MTCL1: variants seen among roughly 807,000 people sequenced by gnomAD.
The protein encoded by MTCL1 is microtubule crosslinking factor 1, also known as microtubule cross-linking factor 1.
A neutral mutation model predicts 141.4 loss-of-function variants in MTCL1; 79 were observed. The observed-to-expected ratio is 0.56, with a 90% CI of 0.47 to 0.67. The LOEUF (loss-of-function observed/expected upper bound fraction) is 0.67, where lower values mean the gene tolerates loss of function less well. Among genes scored for constraint, MTCL1 ranks in the 30% least tolerant of loss-of-function variants. MTCL1 has a pLI of 0.00. For synonymous variants in MTCL1, 914 were observed against 875.8 expected (o/e 1.04, Z -0.77); for missense variants, 2,177 against 2,113.9 (o/e 1.03, Z -0.59).
exon 6 of MTCL1, chr18:8,784,041 A>C (rs1239645618): frequency 6.2e-7 from 1 of 1,613,392 alleles, no homozygotes; most frequent in Non-Finnish European, 8.5e-7. Context: ...AGCAAGTTTA[A>C]GTTTGAGCCT....
intron 7 of MTCL1, among the ~76,000 whole-genome samples, chr18:8,790,820 GC>G (rs1343112224): frequency 2.0e-5 from 3 of 152,122 alleles, no homozygotes; most frequent in African/African-American, 4.8e-5. Flanking sequence ...TTCGAGACCA[GC>G]CTGACCAACA....
chr18:8,825,339 T>C, exon 15 of MTCL1: 1 of 1,538,402 alleles, frequency 6.5e-7, no homozygotes, highest in Non-Finnish European at 8.8e-7. Context: ...CCTGGAGATG[T>C]CCAAGAACTT....
At chr18:8,786,557 A>G in intron 7 of MTCL1, 1 of 360,000 alleles carries the variant, frequency 2.8e-6, no homozygotes, top group South Asian at 2.1e-5. Context: ...GGTTGGTAGA[A>G]TCAGGGAGGC....
chr18:8,813,000 A>G (rs746653647), exon 12 of MTCL1: 6 of 1,612,742 alleles, frequency 3.7e-6, no homozygotes, highest in Non-Finnish European at 5.1e-6. Flanking sequence ...GACTGAGAAC[A>G]AGTTGGGAGA....
At chr18:8,831,693 T>C in exon 17 of MTCL1, 5 of 1,550,656 alleles carry the variant, frequency 3.2e-6, no homozygotes, top group Non-Finnish European at 4.4e-6. Context: ...CTCCGTCCCG[T>C]TGGGCCCCAC....
chr18:8,716,377 G>A (rs1249800188), upstream of MTCL1, among the ~76,000 whole-genome samples: 2 of 152,102 alleles, frequency 1.3e-5, no homozygotes, highest in Non-Finnish European at 2.9e-5. Context: ...TGCTGGATTG[G>A]GGGATGAGTT....
chr18:8,768,982 A>G (rs1416051732), intron 4 of MTCL1, among the ~76,000 whole-genome samples: 1 of 151,892 alleles, frequency 6.6e-6, no homozygotes, highest in Non-Finnish European at 1.5e-5. Flanking sequence ...TTTAGTAGAG[A>G]TGGGGTTTCA....
intron 4 of MTCL1, among the ~76,000 whole-genome samples, chr18:8,743,353 C>G (rs979142043): frequency 2.0e-5 from 3 of 152,116 alleles, no homozygotes; most frequent in African/African-American, 7.2e-5. Flanking sequence ...TCTGTCTTTC[C>G]CAGCACAGTA....
At chr18:8,788,522 T>C (rs1487409759) in intron 7 of MTCL1, among the ~76,000 whole-genome samples, 1 of 152,158 alleles carries the variant, frequency 6.6e-6, no homozygotes. Context: ...AGAAGATAAG[T>C]GATTATTTTG....
exon 1 of MTCL1, chr18:8,706,381 A>G: frequency 4.1e-6 from 5 of 1,229,674 alleles, no homozygotes; most frequent in Non-Finnish European, 5.1e-6. Flanking sequence ...CACGGGCTCC[A>G]GCGACCGTGA....
chr18:8,810,230 C>T lies in MTCL1; in HGVS notation c.2605-2749C>T, dbSNP rs1598762114. On this transcript the variant is annotated intron_variant, in intron 11 of 16. Coordinates refer to ENST00000359865, the Ensembl canonical transcript of MTCL1. This position sits in a 1 kb window ranked among gnomAD's most constrained non-coding sequence, Gnocchi z 5.0. ...GGGGCTGAAGGACTGTGCGCTGTGC[C>T]GAGGGACAGAAGTTGAGTTTGGCGG... 2 of 152,666 alleles carry T rather than the reference C, an allele frequency of 1.3e-5. No individual in the cohort carries two copies. The highest frequency in any genetic ancestry group is 2.1e-4 in the South Asian group (1 of 4,824). The allele number at this position is 152,666 out of a possible 1,614,324, so 9.5% of individuals were successfully genotyped here.
upstream of MTCL1, among the ~76,000 whole-genome samples, chr18:8,714,722 A>G (rs1598364029): frequency 6.6e-6 from 1 of 152,308 alleles, no homozygotes; most frequent in Non-Finnish European, 1.5e-5. Flanking sequence ...CGTGAGGATT[A>G]TGGGAGCTAC....
chr18:8,749,319 T>A (rs1419860387), intron 4 of MTCL1, among the ~76,000 whole-genome samples: 16 of 152,146 alleles, frequency 1.1e-4, no homozygotes, highest in Admixed American at 1.0e-3. Context: ...AGGTTAAGAG[T>A]TGGCCAGCCT....
At chr18:8,825,401 C>T (rs16954339) in exon 15 of MTCL1, 69,454 of 1,543,228 alleles carry the variant, frequency 0.045, 3,024 homozygotes, top group African/African-American at 0.22. Context: ...CCATCTGCTC[C>T]GGCCCTGGCG....
intron 8 of MTCL1, among the ~76,000 whole-genome samples, chr18:8,793,926 C>G (rs1324493092): frequency 6.6e-6 from 1 of 152,168 alleles, no homozygotes; most frequent in African/African-American, 2.4e-5. Flanking sequence ...CACATAAGCC[C>G]CCATGTTGAC....
chr18:8,754,474 G>T (rs2096387425), intron 4 of MTCL1, among the ~76,000 whole-genome samples: 1 of 152,206 alleles, frequency 6.6e-6, no homozygotes, highest in South Asian at 2.1e-4. Context: ...AAAGGGTTCA[G>T]TTCTTGCCCT....
chr18:8,721,334 C>G (rs922147268), intron 4 of MTCL1, among the ~76,000 whole-genome samples: 2 of 152,344 alleles, frequency 1.3e-5, no homozygotes, highest in African/African-American at 2.4e-5. Flanking sequence ...TCCATGCCCC[C>G]TCCCATCTGC....
chr18:8,786,110 T>TCCCCTCCCCCCCCCCC lies in MTCL1; in HGVS notation c.1887+23_1887+24insTCCCCCCCCCCCCCCC. 1 of 1,310,348 alleles carries TCCCCTCCCCCCCCCCC rather than the reference T, an allele frequency of 7.6e-7. No individual in the cohort carries two copies. Among genetic ancestry groups the TCCCCTCCCCCCCCCCC allele is most frequent in the Admixed American group, 2.5e-5 (1 of 39,438 alleles). The allele number at this position is 1,310,348 out of a possible 1,614,324, so 81.2% of individuals were successfully genotyped here. ...CCTGGAGGTCAGCGTGGGCAAGCAA[T>TCCCCTCCCCCCCCCCC]CCCCCCCCCCCGCCCTCCCCCTCCT... On this transcript the variant is annotated intron_variant, in intron 7 of 16. Transcript: ENST00000359865.
At chr18:8,796,104 C>G in intron 8 of MTCL1, 128 bp from the exon 8 acceptor site, 1 of 850,436 alleles carries the variant, frequency 1.2e-6, no homozygotes, top group East Asian at 2.4e-5. Context: ...CTTCTGGGGA[C>G]TCCTGTGTTT....
Sources: gnomAD v4.1 joint callset for allele counts (sites outside exome capture counted in the v4.1 genomes callset) on GRCh38, gnomAD v4.1.1 for gene constraint, Gnocchi (gnomAD v3.1) non-coding constraint, MANE v1.5 for transcripts, NCBI Gene and HGNC (gene_info 2026-07-23, HGNC 2026-07-21) for gene names.